MGMT: variants seen among roughly 807,000 people sequenced by gnomAD.
The protein encoded by MGMT is O-6-methylguanine-DNA methyltransferase.
MGMT carries 14 observed loss-of-function variants against 15.9 expected under a neutral mutation model. The ratio of observed to expected loss-of-function variants is 0.88; its 90% CI spans 0.58 to 1.37. The LOEUF is 1.37. Ranked by LOEUF, MGMT falls within the 40% of genes most tolerant of loss-of-function variation. The pLI is 0.00. For missense variants in MGMT, 282 were observed against 268.1 expected (o/e 1.05, Z -0.36); for synonymous variants, 130 against 118.2 (o/e 1.10, Z -0.65).
intron 1 of MGMT, among the ~76,000 whole-genome samples, chr10:129,503,261 A>G (rs904899293): frequency 1.1e-4 from 16 of 152,214 alleles, no homozygotes; most frequent in African/African-American, 3.9e-4. Flanking sequence ...TGACTGATGC[A>G]TGATTTATCC....
intron 3 of MGMT, among the ~76,000 whole-genome samples, chr10:129,713,823 C>T (rs904799416): frequency 5.9e-5 from 9 of 152,144 alleles, no homozygotes; most frequent in Admixed American, 1.3e-4. Context: ...ACCAGATCCC[C>T]GCCAATGTCC....
At chr10:129,766,206 T>C (rs550017326) in intron 4 of MGMT, among the ~76,000 whole-genome samples, 98 of 152,222 alleles carry the variant, frequency 6.4e-4, no homozygotes, top group South Asian at 5.4e-3. Context: ...AGAGTAAATA[T>C]GTTAGGCTTG....
At chr10:129,617,952 C>T (rs1027713126) in intron 2 of MGMT, among the ~76,000 whole-genome samples, 6 of 151,030 alleles carry the variant, frequency 4.0e-5, no homozygotes, top group African/African-American at 1.4e-4. Flanking sequence ...CCCCTCCAGC[C>T]CATGAACTTG....
At chr10:129,611,445 C>T (rs1846959135) in intron 2 of MGMT, among the ~76,000 whole-genome samples, 1 of 152,180 alleles carries the variant, frequency 6.6e-6, no homozygotes, top group South Asian at 2.1e-4. Flanking sequence ...GGGAAATCTG[C>T]CCCTGTGATC....
At chr10:129,602,675 G>A (rs1846838062) in intron 2 of MGMT, among the ~76,000 whole-genome samples, 2 of 152,124 alleles carry the variant, frequency 1.3e-5, no homozygotes, top group Admixed American at 6.6e-5. Context: ...AATGGTGAGT[G>A]CGCCCCACGT....
At chr10:129,709,309 C>T (rs12764295) in intron 3 of MGMT, among the ~76,000 whole-genome samples, 13,185 of 152,296 alleles carry the variant, frequency 0.087, 747 homozygotes, top group Non-Finnish European at 0.12. Context: ...CTCTCCCCAG[C>T]GCCACAAGCC....
intron 2 of MGMT, among the ~76,000 whole-genome samples, chr10:129,549,013 C>G (rs1846127044): frequency 6.6e-6 from 1 of 152,174 alleles, no homozygotes; most frequent in African/African-American, 2.4e-5. Flanking sequence ...TAGCTGGCTT[C>G]TTTGTTAGAA....
intron 3 of MGMT, among the ~76,000 whole-genome samples, chr10:129,721,813 ATT>A (rs1848374871): frequency 2.6e-5 from 4 of 152,002 alleles, no homozygotes; most frequent in Non-Finnish European, 4.4e-5. Flanking sequence ...TAATTCTTTT[ATT>A]AGAATTAGCA....
chr10:129,520,592 ATGGTATG>A (rs1845794859), intron 1 of MGMT, among the ~76,000 whole-genome samples: 1 of 95,202 alleles, frequency 1.1e-5, no homozygotes, highest in African/African-American at 6.0e-5. Context: ...CAGAGCCCCT[ATGGTATG>A]CTTTCAGAGC....
chr10:129,722,810 A>C (rs995901823), intron 3 of MGMT, among the ~76,000 whole-genome samples: 1 of 152,142 alleles, frequency 6.6e-6, no homozygotes, highest in Non-Finnish European at 1.5e-5. Flanking sequence ...GTTCAAGACC[A>C]GCCTTGCAAA....
chr10:129,567,328 TC>T (rs1377499003), intron 2 of MGMT, among the ~76,000 whole-genome samples: 1 of 151,756 alleles, frequency 6.6e-6, no homozygotes, highest in Admixed American at 6.6e-5. Context: ...CCATCCCATG[TC>T]CCCATCATAG....
chr10:129,681,388 C>T (rs535562853), intron 2 of MGMT, among the ~76,000 whole-genome samples: 3 of 152,324 alleles, frequency 2.0e-5, no homozygotes, highest in African/African-American at 7.2e-5. Context: ...TGGGGACGCC[C>T]ATGGTCCTGG....
intron 2 of MGMT, among the ~76,000 whole-genome samples, chr10:129,675,476 A>G (rs1010778336): frequency 3.3e-5 from 5 of 152,290 alleles, no homozygotes; most frequent in Non-Finnish European, 5.9e-5. Context: ...AAATAGGGCC[A>G]AAGAGGAGGA....
At chr10:129,492,414 G>T (rs188233179) in intron 1 of MGMT, among the ~76,000 whole-genome samples, 5 of 152,024 alleles carry the variant, frequency 3.3e-5, no homozygotes, top group African/African-American at 1.2e-4. Flanking sequence ...CTGTCTTTCC[G>T]CCTACCTTTC....
At chr10:129,673,542 G>A (rs1021093702) in intron 2 of MGMT, among the ~76,000 whole-genome samples, 1 of 152,076 alleles carries the variant, frequency 6.6e-6, no homozygotes, top group Non-Finnish European at 1.5e-5. Context: ...CTCCAGTTCT[G>A]CCTGATGCAC....
intron 3 of MGMT, among the ~76,000 whole-genome samples, chr10:129,740,363 G>A (rs1312244676): frequency 1.3e-5 from 2 of 152,284 alleles, no homozygotes; most frequent in East Asian, 3.9e-4. Context: ...CAGGAGATGG[G>A]AAGAGGCCCC....
At chr10:129,538,688 T>C (rs1456488705) in intron 2 of MGMT, among the ~76,000 whole-genome samples, 1 of 152,048 alleles carries the variant, frequency 6.6e-6, no homozygotes, top group Non-Finnish European at 1.5e-5. Context: ...TAGGCTGGAG[T>C]GCAGTGGTGC....
chr10:129,557,548 A>G (rs1272137828), intron 2 of MGMT, among the ~76,000 whole-genome samples: 1 of 152,216 alleles, frequency 6.6e-6, no homozygotes, highest in Non-Finnish European at 1.5e-5. Flanking sequence ...TGTACACACT[A>G]ATGAATTTTG....
chr10:129,765,306 C>T (rs796923864), intron 4 of MGMT, among the ~76,000 whole-genome samples: 3 of 152,274 alleles, frequency 2.0e-5, no homozygotes, highest in African/African-American at 7.2e-5. Flanking sequence ...CCTGGGAAGC[C>T]ATTCTGGAGC....
Sources: gnomAD v4.1 joint callset for allele counts (sites outside exome capture counted in the v4.1 genomes callset) on GRCh38, gnomAD v4.1.1 for gene constraint, MANE v1.5 for transcripts, NCBI Gene and HGNC (gene_info 2026-07-23, HGNC 2026-07-21) for gene names.